ZNF107: variants seen among roughly 807,000 people sequenced by gnomAD.
The protein encoded by ZNF107 is zinc finger protein 107, also known as C2H2 type zinc-finger protein.
In ZNF107, 19 loss-of-function variants were observed where a neutral mutation model predicts 12.3. That is an observed-to-expected ratio of 1.55 (90% CI 1.08 to 2.27). The LOEUF is 2.27. Ranked by LOEUF, ZNF107 falls within the 30% of genes most tolerant of loss-of-function variation. The probability of loss-of-function intolerance (pLI) is 0.00; values close to 1 mark genes in which losing one functional copy is unlikely to be tolerated. For synonymous variants in ZNF107, 317 were observed against 330.5 expected (o/e 0.96, Z 0.44); for missense variants, 958 against 979.9 (o/e 0.98, Z 0.30).
At chr7:64,690,611 T>C in intron 1 of ZNF107, 1 of 858,600 alleles carries the variant, frequency 1.2e-6, no homozygotes, top group Non-Finnish European at 1.4e-6. Context: ...GTGTTTTCTA[T>C]TCCTGCAGAT....
intron 3 of ZNF107, among the ~76,000 whole-genome samples, chr7:64,700,446 A>G (rs2128966223): frequency 6.6e-6 from 1 of 151,282 alleles, no homozygotes; most frequent in African/African-American, 2.4e-5. Context: ...CCTCACCAGA[A>G]GCAGATGCTG....
At chr7:64,705,992 G>A (rs1790627680) in intron 3 of ZNF107, among the ~76,000 whole-genome samples, 1 of 151,490 alleles carries the variant, frequency 6.6e-6, no homozygotes, top group South Asian at 2.1e-4. Flanking sequence ...CTAAGAGTTG[G>A]CAATTTACTT....
At chr7:64,698,370 A>G (rs1483597283) in intron 3 of ZNF107, among the ~76,000 whole-genome samples, 2 of 151,946 alleles carry the variant, frequency 1.3e-5, no homozygotes, top group Non-Finnish European at 2.9e-5. Flanking sequence ...TTGTCACTCT[A>G]TTGAATGTTG....
Position 64,706,430 on chromosome 7 carries a change from A to G in ZNF107, c.333A>G (p.Leu111=). The G allele has an allele frequency of 6.2e-7, 1 of 1,613,674 alleles. No homozygotes were observed. Among genetic ancestry groups the G allele is most frequent in the Non-Finnish European group, 8.5e-7 (1 of 1,179,734 alleles). ...RRYGKCEYEN[L]QLRKGCKHVD... Reference sequence around the variant, plus strand: ...ACGGAAAATGTGAATATGAGAATTTACAGTTAAGAAAAGGCTGTAAACATG... The same window carrying G: ...ACGGAAAATGTGAATATGAGAATTTGCAGTTAAGAAAAGGCTGTAAACATG... Residue 111 remains leucine, a synonymous_variant, in exon 4 of 4, where the codon TTA becomes TTG. Coordinates refer to ENST00000620827, the MANE Select transcript of ZNF107 (RefSeq NM_001282359.2).
intron 1 of ZNF107, among the ~76,000 whole-genome samples, chr7:64,667,258 C>G (rs1306288638): frequency 6.6e-6 from 1 of 151,920 alleles, no homozygotes; most frequent in Non-Finnish European, 1.5e-5. Flanking sequence ...GCTTCCCCTC[C>G]CTAATTCACA....
chr7:64,671,871 T>A (rs976703930), intron 1 of ZNF107, among the ~76,000 whole-genome samples: 4 of 145,826 alleles, frequency 2.7e-5, no homozygotes, highest in Non-Finnish European at 4.5e-5. Flanking sequence ...AAGCTCTGCC[T>A]CCCGGGTTCA....
intron 1 of ZNF107, among the ~76,000 whole-genome samples, chr7:64,670,983 G>A (rs990519535): frequency 1.3e-5 from 2 of 152,100 alleles, no homozygotes; most frequent in African/African-American, 4.8e-5. Flanking sequence ...CCTGAATCAG[G>A]GTCTGCTGAC....
chr7:64,708,860 G>T lies in ZNF107; in HGVS notation c.*204G>T, dbSNP rs561559438. The T allele has an allele frequency of 3.3e-6, 2 of 609,902 alleles. No homozygotes were observed. Among genetic ancestry groups the T allele is most frequent in the South Asian group, 4.3e-5 (2 of 46,528 alleles). 37.8% of individuals were successfully genotyped at this position (609,902 alleles called of 1,614,324 possible). ...ACCTTACTGAAAGTTGAGAAAATTCGTACTGGAGAGAATCCTACAAATGTG... is the reference window on the plus strand; with the variant it reads ...ACCTTACTGAAAGTTGAGAAAATTCTTACTGGAGAGAATCCTACAAATGTG... On this transcript the variant is annotated 3_prime_UTR_variant, in exon 4 of 4. Coordinates refer to ENST00000620827, the MANE Select transcript of ZNF107 (RefSeq NM_001282359.2).
chr7:64,706,378 C>T lies in ZNF107; in HGVS notation c.281C>T (p.Ser94Phe), dbSNP rs757722609. The change falls in exon 4 of 4, where the codon TCT (serine) becomes TTT (phenylalanine). Residue 94 changes from serine (S) to phenylalanine (F), a missense_variant. Transcript: ENST00000620827. Reference sequence around the variant, plus strand: ...TGGCCAGAGCAGAACATAAAAGATTCTTTCCAGAAAGTGACACTGAGAAGA... The same window carrying T: ...TGGCCAGAGCAGAACATAAAAGATTTTTTCCAGAAAGTGACACTGAGAAGA... Reference protein sequence around the residue: ...DLWPEQNIKDSFQKVTLRRYG... With the variant: ...DLWPEQNIKDFFQKVTLRRYG... The T allele has an allele frequency of 6.2e-7, 1 of 1,609,398 alleles. No homozygotes were observed. The highest frequency in any genetic ancestry group is 8.5e-7 in the Non-Finnish European group (1 of 1,177,440).
rs141980471 is a variant in ZNF107 at position 64,700,506 on chromosome 7, C to CTTTTTTTTTTT, written c.227-5799_227-5789dup. ...GTCTGTCAAACCAAGCCAAATAAAC[C>CTTTTTTTTTTT]TTTTTTTTTTTTTTTTTTTTTTTTT... On this transcript the variant is annotated intron_variant, in intron 3 of 3. Transcript: ENST00000620827. 3.2e-4 allele frequency among the ~76,000 whole-genome samples: 21 copies of CTTTTTTTTTTT among 66,252 alleles called. 1 individual carries two copies. Among genetic ancestry groups the CTTTTTTTTTTT allele is most frequent in the Admixed American group, 1.2e-3 (4 of 3,474 alleles). 43.5% of individuals were successfully genotyped at this position (66,252 alleles called of 152,430 possible). A position where few individuals can be genotyped will look rare whatever the true frequency, so the allele number is the denominator to read the frequency against.
In ZNF107 at chr7:64,708,197, G is replaced by A. The variant is rs115898192; in HGVS notation, c.2100G>A (p.Thr700=). 3.4e-3 allele frequency: 5,479 copies of A among 1,610,854 alleles called. 171 individuals carry two copies. The African/African-American group carries it at 0.062, about 18-fold the overall frequency. ...TAACTATACATAAGAGAATTCATAC[G>A]GGAGAGAAACCTTACCAATGTGCAG... ...SNLTIHKRIH[T]GEKPYQCAEC... Residue 700 remains threonine (T), a synonymous_variant, in exon 4 of 4, where the codon ACG becomes ACA. Coordinates refer to ENST00000620827, the MANE Select transcript of ZNF107 (RefSeq NM_001282359.2).
At position 64,691,918 on chromosome 7, in the gene ZNF107, C is replaced by G; in HGVS notation, c.184C>G (p.Pro62Ala). 6.5e-7 allele frequency: 1 copy of G among 1,533,632 alleles called. No homozygotes were observed. Among genetic ancestry groups the G allele is most frequent in the Non-Finnish European group, 8.7e-7 (1 of 1,143,972 alleles). The change falls in exon 3 of 4, where the codon CCC becomes GCC. Residue 62 changes from proline (P) to alanine (A), a missense_variant. Transcript: ENST00000620827. ...LITCLEQKKE[P>A]WNIKRHEMVA... The stretch of plus-strand genomic sequence containing the variant: ...CACCTGTCTGGAGCAAAAAAAAGAG[C>G]CCTGGAATATAAAAAGACATGAGAT...
At chr7:64,697,637 A>T (rs1790335650) in intron 3 of ZNF107, among the ~76,000 whole-genome samples, 1 of 152,178 alleles carries the variant, frequency 6.6e-6, no homozygotes, top group African/African-American at 2.4e-5. Flanking sequence ...AGATTAAGAA[A>T]TAGGATTTAT....
At chr7:64,677,202 A>T (rs1229564176) in intron 1 of ZNF107, among the ~76,000 whole-genome samples, 1 of 147,286 alleles carries the variant, frequency 6.8e-6, no homozygotes, top group Non-Finnish European at 1.5e-5. Context: ...ATGGAGTTTC[A>T]CTCTTGTTGC....
chr7:64,695,055 GCA>G (rs372103876), intron 3 of ZNF107, among the ~76,000 whole-genome samples: 4 of 150,848 alleles, frequency 2.7e-5, no homozygotes, highest in African/African-American at 7.3e-5. Context: ...CATATTCTGT[GCA>G]CACACACACA....
At chr7:64,688,691 A>G (rs1790011545) in intron 1 of ZNF107, among the ~76,000 whole-genome samples, 1 of 152,204 alleles carries the variant, frequency 6.6e-6, no homozygotes, top group Non-Finnish European at 1.5e-5. Context: ...AAAACCTTTT[A>G]TCTGAGAAAT....
intron 1 of ZNF107, among the ~76,000 whole-genome samples, chr7:64,674,839 T>G (rs909961690): frequency 6.6e-6 from 1 of 152,250 alleles, no homozygotes; most frequent in Non-Finnish European, 1.5e-5. Flanking sequence ...ATTGAAAGCT[T>G]CTTCTGCATC....
At chr7:64,666,991 C>T (rs975519908) in intron 1 of ZNF107, among the ~76,000 whole-genome samples, 2 of 151,970 alleles carry the variant, frequency 1.3e-5, no homozygotes, top group Non-Finnish European at 2.9e-5. Flanking sequence ...TTTGTTTTCC[C>T]CAATGTAGTA....
intron 1 of ZNF107, among the ~76,000 whole-genome samples, 186 bp from the exon 2 acceptor site, chr7:64,691,062 C>T (rs1157288554): frequency 6.6e-5 from 10 of 152,228 alleles, no homozygotes; most frequent in African/African-American, 1.7e-4. Context: ...TTAGTAGAGA[C>T]GGGGTTTCAC....
Sources: allele counts gnomAD v4.1 joint callset (sites outside exome capture counted in the v4.1 genomes callset), GRCh38; gene constraint gnomAD v4.1.1; transcripts MANE v1.5; gene names NCBI Gene and HGNC (gene_info 2026-07-23, HGNC 2026-07-21).